The following MAF variants were observed in gnomAD, a reference collection of about 807,000 sequenced individuals.
MAF encodes MAF bZIP transcription factor.
Under a neutral mutation model 22.0 loss-of-function variants are expected in MAF, and 10 were observed. The observed-to-expected ratio is 0.45, with a 90% CI of 0.28 to 0.77. MAF has a LOEUF of 0.77. Ranked by LOEUF, MAF falls within the 30% of genes least tolerant of loss-of-function variation. MAF has a pLI of 0.12. For synonymous variants in MAF, 337 were observed against 255.8 expected, an observed-to-expected ratio of 1.32 and a Z score of -3.03; for missense variants, 544 against 548.4, an observed-to-expected ratio of 0.99 and a Z score of 0.08.
chr16:79,345,582 G>A, the MAF span, among the ~76,000 whole-genome samples: 258 of 151,938 alleles, frequency 1.7e-3, 2 homozygotes, highest in Non-Finnish European at 3.1e-3. Context: ...ACAAAAATTA[G>A]CCAGGCATGG....
At chr16:79,457,610 G>A in the MAF span, among the ~76,000 whole-genome samples, 1 of 152,076 alleles carries the variant, frequency 6.6e-6, no homozygotes, top group African/African-American at 2.4e-5. Flanking sequence ...AATTATACAT[G>A]TGTACATATA....
the MAF span, among the ~76,000 whole-genome samples, chr16:79,541,853 A>G: frequency 1.3e-5 from 2 of 151,824 alleles, no homozygotes; most frequent in African/African-American, 2.4e-5. Flanking sequence ...ACGGGGTTTT[A>G]CCATGTTGGC....
At chr16:79,511,526 A>T in the MAF span, among the ~76,000 whole-genome samples, 1 of 152,216 alleles carries the variant, frequency 6.6e-6, no homozygotes, top group Non-Finnish European at 1.5e-5. Flanking sequence ...TTAATTTCAA[A>T]AATAAGGGAG....
At chr16:79,241,238 C>G in the MAF span, among the ~76,000 whole-genome samples, 1 of 152,038 alleles carries the variant, frequency 6.6e-6, no homozygotes, top group Non-Finnish European at 1.5e-5. Flanking sequence ...TAATAACAAA[C>G]TTCACCGAGC....
chr16:79,342,960 A>G, the MAF span, among the ~76,000 whole-genome samples: 3 of 152,154 alleles, frequency 2.0e-5, no homozygotes, highest in African/African-American at 7.2e-5. Flanking sequence ...AAGATGTGCA[A>G]ATCTTCTCTG....
At chr16:79,548,464 A>G in the MAF span, among the ~76,000 whole-genome samples, 1 of 152,242 alleles carries the variant, frequency 6.6e-6, no homozygotes, top group Non-Finnish European at 1.5e-5. Context: ...TATGTGGGAG[A>G]AACACATTGG....
chr16:79,481,508 C>A, the MAF span, among the ~76,000 whole-genome samples: 1 of 152,086 alleles, frequency 6.6e-6, no homozygotes, highest in Non-Finnish European at 1.5e-5. Context: ...CTCCATGCCC[C>A]TAACAGTCCC....
the MAF span, among the ~76,000 whole-genome samples, chr16:79,221,394 T>C: frequency 1.1e-4 from 17 of 152,294 alleles, no homozygotes; most frequent in African/African-American, 3.6e-4. Context: ...CAGAAGCCTG[T>C]GTAAATCACT....
chr16:79,454,113 A>G, the MAF span, among the ~76,000 whole-genome samples: 1 of 152,202 alleles, frequency 6.6e-6, no homozygotes, highest in Non-Finnish European at 1.5e-5. Context: ...TTTCATTTCT[A>G]TGATTCGTTC....
the MAF span, among the ~76,000 whole-genome samples, chr16:79,554,543 G>A: frequency 1.3e-5 from 2 of 152,144 alleles, no homozygotes; most frequent in African/African-American, 4.8e-5. Context: ...CAAGACAGAA[G>A]ACAGGAAGAC....
At chr16:79,431,946 C>T in the MAF span, among the ~76,000 whole-genome samples, 5 of 152,174 alleles carry the variant, frequency 3.3e-5, no homozygotes, top group Admixed American at 2.6e-4. Flanking sequence ...AGTAGTTCCC[C>T]CATATCCACT....
chr16:79,416,736 C>A, the MAF span, among the ~76,000 whole-genome samples: 79 of 152,302 alleles, frequency 5.2e-4, no homozygotes, highest in Non-Finnish European at 8.5e-4. Flanking sequence ...TTAGAAGACC[C>A]TGCTGACCAG....
the MAF span, among the ~76,000 whole-genome samples, chr16:79,328,585 C>T: frequency 6.6e-6 from 1 of 152,128 alleles, no homozygotes; most frequent in Non-Finnish European, 1.5e-5. Context: ...GCCTAAAATC[C>T]CTCGAGCCGA....
At chr16:79,594,792 T>C in intron 1 of MAF, 1 of 1,310,494 alleles carries the variant, frequency 7.6e-7, no homozygotes, top group Non-Finnish European at 9.8e-7. Flanking sequence ...AAATGCCTTT[T>C]ACTAGGAGTT....
the MAF span, among the ~76,000 whole-genome samples, chr16:79,296,288 T>C: frequency 2.6e-5 from 4 of 152,146 alleles, no homozygotes; most frequent in Non-Finnish European, 5.9e-5. Context: ...GTTGGAAGGA[T>C]TAATCTTTTT....
At chr16:79,564,983 C>T in the MAF span, among the ~76,000 whole-genome samples, 5 of 152,178 alleles carry the variant, frequency 3.3e-5, no homozygotes, top group African/African-American at 4.8e-5. Context: ...ACATGTCTTA[C>T]ATCTGAAGCT....
At chr16:79,261,894 GTCC>G in the MAF span, among the ~76,000 whole-genome samples, 1 of 152,190 alleles carries the variant, frequency 6.6e-6, no homozygotes, top group Non-Finnish European at 1.5e-5. Flanking sequence ...AACTAACTCA[GTCC>G]TCCTCCTGAC....
the MAF span, among the ~76,000 whole-genome samples, chr16:79,294,877 C>T: frequency 1.3e-5 from 2 of 152,204 alleles, no homozygotes; most frequent in Non-Finnish European, 2.9e-5. Context: ...ATCAACTGAA[C>T]TGCTCAGCTG....
At chr16:79,288,158 T>C in the MAF span, among the ~76,000 whole-genome samples, 17 of 152,064 alleles carry the variant, frequency 1.1e-4, no homozygotes, top group African/African-American at 3.6e-4. Context: ...TTCAAGGAGA[T>C]GATGACAGTG....
Sources: allele counts gnomAD v4.1 joint callset (sites outside exome capture counted in the v4.1 genomes callset), GRCh38; gene constraint gnomAD v4.1.1; transcripts MANE v1.5; gene names NCBI Gene and HGNC (gene_info 2026-07-23, HGNC 2026-07-21).